The following RNF217 variants were observed in gnomAD, a reference collection of about 807,000 sequenced individuals.
The protein encoded by RNF217 is ring finger protein 217.
Under a neutral mutation model 57.8 loss-of-function variants are expected in RNF217, and 31 were observed. The observed-to-expected ratio is 0.54, with a 90% CI of 0.40 to 0.72. RNF217 has a LOEUF of 0.72. Ranked by LOEUF, RNF217 falls within the 30% of genes least tolerant of loss-of-function variation. The pLI, the probability that RNF217 is intolerant of heterozygous loss-of-function variation, is 0.00. For missense variants in RNF217, 696 were observed against 708.3 expected (o/e 0.98, Z 0.20); for synonymous variants, 313 against 294.0 (o/e 1.06, Z -0.66).
chr6:124,992,694 T>C (rs1784605068), intron 1 of RNF217, among the ~76,000 whole-genome samples: 1 of 152,228 alleles, frequency 6.6e-6, no homozygotes, highest in South Asian at 2.1e-4. Context: ...TGAATTTTTC[T>C]GTTCCAAATT....
chr6:124,983,302 C>A, intron 1 of RNF217: 1 of 887,326 alleles, frequency 1.1e-6, no homozygotes, highest in Non-Finnish European at 1.4e-6. Flanking sequence ...CAATCAGATT[C>A]TGGTAATTAT....
chr6:125,066,919 G>A (rs1216666110), intron 3 of RNF217, among the ~76,000 whole-genome samples: 1 of 152,110 alleles, frequency 6.6e-6, no homozygotes, highest in African/African-American at 2.4e-5. Context: ...TCTTTTTCTT[G>A]TGGAACTTGC....
At chr6:124,989,336 C>G (rs2115037536) in intron 1 of RNF217, among the ~76,000 whole-genome samples, 1 of 152,258 alleles carries the variant, frequency 6.6e-6, no homozygotes, top group Non-Finnish European at 1.5e-5. Flanking sequence ...TCCATTGTGC[C>G]TTCAAAGCAT....
intron 1 of RNF217, among the ~76,000 whole-genome samples, chr6:125,016,228 A>G (rs1226380819): frequency 1.3e-5 from 2 of 152,220 alleles, no homozygotes; most frequent in Non-Finnish European, 2.9e-5. Flanking sequence ...AGGCTTTAAG[A>G]AATTTCTCAA....
At chr6:125,035,288 G>A (rs938329501) in intron 1 of RNF217, among the ~76,000 whole-genome samples, 16 of 151,964 alleles carry the variant, frequency 1.1e-4, no homozygotes, top group Non-Finnish European at 2.1e-4. Context: ...TTTTCAAAGG[G>A]AATGCTTCCA....
intron 3 of RNF217, among the ~76,000 whole-genome samples, chr6:125,063,893 T>C (rs1787842969): frequency 1.3e-5 from 2 of 152,194 alleles, no homozygotes; most frequent in Admixed American, 1.3e-4. Flanking sequence ...TGTCATGATA[T>C]TTCCCTTTAG....
intron 1 of RNF217, among the ~76,000 whole-genome samples, chr6:125,041,855 C>G (rs1022475419): frequency 6.6e-6 from 1 of 151,958 alleles, no homozygotes; most frequent in East Asian, 1.9e-4. Flanking sequence ...CCACATTTCA[C>G]TGAAATCTAA....
rs1368623968 is a variant in RNF217, at chr6:125,091,187, TAAAG to T, written c.*8251_*8254del. On this transcript the variant is annotated 3_prime_UTR_variant, in exon 6 of 6. Coordinates refer to ENST00000521654, the MANE Select transcript of RNF217 (RefSeq NM_001286398.3). ...GCATTTACACTCTAATTACTGAAAA[TAAAG>T]GAAGAAGTTGGTGAATAAAAGCCAG... 1 of 152,062 alleles carries T rather than the reference TAAAG, an allele frequency of 6.6e-6. No homozygotes were observed. Among genetic ancestry groups the T allele is most frequent in the Non-Finnish European group, 1.5e-5 (1 of 67,906 alleles). 9.4% of individuals were successfully genotyped at this position (152,062 alleles called of 1,614,324 possible).
At chr6:124,998,075 A>G (rs951453050) in intron 1 of RNF217, among the ~76,000 whole-genome samples, 1 of 152,076 alleles carries the variant, frequency 6.6e-6, no homozygotes, top group Non-Finnish European at 1.5e-5. Context: ...CAAACTTTTA[A>G]TATTTCTTCC....
At chr6:125,074,297 G>GTAGATAGATAGA (rs61208735) in intron 3 of RNF217, among the ~76,000 whole-genome samples, 105 of 144,874 alleles carry the variant, frequency 7.2e-4, no homozygotes, top group Non-Finnish European at 7.7e-4. Flanking sequence ...CAGAAGATAG[G>GTAGATAGATAGA]TAGATAGATA....
intron 1 of RNF217, among the ~76,000 whole-genome samples, chr6:124,991,504 T>C (rs1334425): frequency 0.24 from 37,152 of 152,110 alleles, 4,899 homozygotes; most frequent in East Asian, 0.4. Context: ...TATTATCTTC[T>C]AATAATGATG....
At chr6:125,082,486 TAGAAC>T in intron 5 of RNF217, 1 of 1,612,430 alleles carries the variant, frequency 6.2e-7, no homozygotes, top group Admixed American at 1.7e-5. Context: ...TCATAAGTGG[TAGAAC>T]CAGGAATCAA....
intron 5 of RNF217, 65 bp downstream of exon 5, chr6:125,081,572 A>C (rs1788576139): frequency 1.6e-6 from 2 of 1,238,306 alleles, no homozygotes; most frequent in Non-Finnish European, 2.3e-6. Context: ...ATACGAGTGT[A>C]AATGTAATAA....
chr6:125,074,297 GTAGATAGATAGATAGATAGA>G (rs61208735), intron 3 of RNF217, among the ~76,000 whole-genome samples: 1,547 of 144,874 alleles, frequency 0.011, 8 homozygotes, highest in South Asian at 0.015. Flanking sequence ...CAGAAGATAG[GTAGATAGATAGATAGATAGA>G]TAGATAGATA....
chr6:125,077,186 A>C (rs1788409350), intron 4 of RNF217, among the ~76,000 whole-genome samples: 1 of 152,100 alleles, frequency 6.6e-6, no homozygotes, highest in Non-Finnish European at 1.5e-5. Context: ...TGTAATGGAC[A>C]ATATCCAGCA....
intron 1 of RNF217, among the ~76,000 whole-genome samples, chr6:124,981,403 T>G (rs1784155521): frequency 6.6e-6 from 1 of 152,290 alleles, no homozygotes; most frequent in South Asian, 2.1e-4. Context: ...TACAGCTTGC[T>G]TTTATACATT....
Position 125,058,052 on chromosome 6 carries a change from G to T in RNF217, c.1227G>T (p.Trp409Cys). ...AAGGAGACAAATTGTTGCGTCACTG[G>T]GCCAGCGAAATTGAGCATGGGCAGA... ...YKKGDKLLRH[W>C]ASEIEHGQRN... Residue 409 changes from tryptophan (W) to cysteine (C), a missense_variant, in exon 3 of 6, where the codon TGG becomes TGT. Coordinates refer to ENST00000521654, the MANE Select transcript of RNF217 (RefSeq NM_001286398.3). The T allele has an allele frequency of 6.2e-7, 1 of 1,613,422 alleles. No homozygotes were observed. Among genetic ancestry groups the T allele is most frequent in the Non-Finnish European group, 8.5e-7 (1 of 1,179,664 alleles).
chr6:124,996,516 C>T (rs1784756472), intron 1 of RNF217: 1 of 151,962 alleles, frequency 6.6e-6, no homozygotes, highest in Non-Finnish European at 1.5e-5. Flanking sequence ...TTTATGATGT[C>T]TTTTATGAAG....
chr6:125,028,921 A>C (rs1786228231), intron 1 of RNF217, among the ~76,000 whole-genome samples: 1 of 152,116 alleles, frequency 6.6e-6, no homozygotes, highest in Admixed American at 6.5e-5. Context: ...GAATTATTTC[A>C]ATCAAACTTC....
Sources: gnomAD v4.1 joint callset for allele counts (sites outside exome capture counted in the v4.1 genomes callset) on GRCh38, gnomAD v4.1.1 for gene constraint, MANE v1.5 for transcripts, NCBI Gene and HGNC (gene_info 2026-07-23, HGNC 2026-07-21) for gene names.